The following ODAM variants were observed in gnomAD, a reference collection of about 807,000 sequenced individuals.
ODAM encodes odontogenic ameloblast-associated protein.
ODAM carries 55 observed loss-of-function variants against 48.5 expected under a neutral mutation model. The ratio of observed to expected loss-of-function variants is 1.13; its 90% confidence interval spans 0.91 to 1.42. ODAM has a LOEUF of 1.42. Ranked by LOEUF, ODAM falls within the 40% of genes most tolerant of loss-of-function variation. The pLI is 0.00. For missense variants in ODAM, 353 were observed against 323.6 expected (o/e 1.09, Z -0.70); for synonymous variants, 127 against 107.8 (o/e 1.18, Z -1.10).
In ODAM at chr4:70,197,964, T is replaced by C. The variant is rs1729409846; in HGVS notation, c.182T>C (p.Leu61Ser). The C allele has an allele frequency of 6.2e-7, 1 of 1,613,226 alleles. No homozygotes were observed. The highest frequency in any genetic ancestry group is 8.5e-7 in the Non-Finnish European group (1 of 1,179,548). The change falls in exon 5 of 12, where the codon TTA becomes TCA. Residue 61 changes from leucine to serine, a missense_variant. Coordinates refer to ENST00000683306, the MANE Select transcript of ODAM (RefSeq NM_017855.4). ...NSWIPPFSGI[L>S]QQQQQAQIPG... ...TGGATTCCACCTTTCTCTGGAATTT[T>C]ACAACAGCAGCAGCAGGCTCAAATT...
At position 70,204,436 on chromosome 4, in the gene ODAM, C is replaced by A. The variant is rs1325380342; in HGVS notation, c.*291C>A. On this transcript the variant is annotated 3_prime_UTR_variant, in exon 12 of 12. Transcript: ENST00000683306. Reference sequence around the variant, plus strand: ...TAATAACACAGAATAAAGCTAGTATCATTAAATCAATTGGATAATTGCATT... The same window carrying A: ...TAATAACACAGAATAAAGCTAGTATAATTAAATCAATTGGATAATTGCATT... 6.6e-6 allele frequency: 1 copy of A among 151,954 alleles called. No individual in the cohort carries two copies. The highest frequency in any genetic ancestry group is 2.1e-4 in the South Asian group (1 of 4,830). The allele number at this position is 151,954 out of a possible 1,614,324, so 9.4% of individuals were successfully genotyped here.
In ODAM at chr4:70,196,748, T is replaced by C. The variant is rs763832702; in HGVS notation, c.93+15T>C. On this transcript the variant is annotated intron_variant, in intron 3 of 11. Coordinates refer to ENST00000683306, the MANE Select transcript of ODAM (RefSeq NM_017855.4). The stretch of plus-strand genomic sequence containing the variant: ...ATAGCAATGAGGTTAGTTTAAATAA[T>C]TAAAACAATCTCCTCCTTTTTTTAA... 2 of 1,590,080 alleles carry C rather than the reference T, an allele frequency of 1.3e-6. No homozygotes were observed. Among genetic ancestry groups the C allele is most frequent in the African/African-American group, 1.3e-5 (1 of 74,130 alleles).
At chr4:70,202,984 A>G (rs1729539816) in intron 10 of ODAM, 67 bp downstream of exon 10, 1 of 1,468,234 alleles carries the variant, frequency 6.8e-7, no homozygotes. Context: ...TGATAAAATT[A>G]GTGCTTTAAT....
Position 70,196,699 on chromosome 4 carries a change from C to T in ODAM, c.59C>T (p.Pro20Leu). Residue 20 changes from proline (P) to leucine (L), a missense_variant, in exon 3 of 12, where the codon CCA (proline) becomes CTA (leucine). Pro to Leu is a moderately conservative substitution (Grantham distance 98). Coordinates refer to ENST00000683306, the MANE Select transcript of ODAM (RefSeq NM_017855.4). ...TTTCATTTTTACTTTTAGCTTATCC[C>T]ACAGCGTCTCATGTCTGCCAGCAAT... The part of the protein sequence containing the change: ...LGATLSAPLI[P>L]QRLMSASNSN... 1 of 1,607,718 alleles carries T rather than the reference C, an allele frequency of 6.2e-7. No homozygotes were observed. Among genetic ancestry groups the T allele is most frequent in the Non-Finnish European group, 8.5e-7 (1 of 1,176,854 alleles).
chr4:70,198,320 T>C (rs1729424511), intron 5 of ODAM, among the ~76,000 whole-genome samples, 163 bp downstream of exon 5: 1 of 151,984 alleles, frequency 6.6e-6, no homozygotes, highest in Admixed American at 6.6e-5. Context: ...ATTTTCTGAT[T>C]TCTAAGACAA....
rs1729570730 is a variant in ODAM at position 70,204,334 on chromosome 4, A to G, written c.*189A>G. 6.6e-6 allele frequency: 1 copy of G among 152,052 alleles called. No individual in the cohort carries two copies. Among genetic ancestry groups the G allele is most frequent in the South Asian group, 2.1e-4 (1 of 4,832 alleles). The allele number at this position is 152,052 out of a possible 1,614,324, so 9.4% of individuals were successfully genotyped here. On this transcript the variant is annotated 3_prime_UTR_variant, in exon 12 of 12. Transcript: ENST00000683306. ...CTCTTTAAATATGTCATAGAAAATAATACAATCATGTAATGAGTCTTGTCT... is the reference window on the plus strand; with the variant it reads ...CTCTTTAAATATGTCATAGAAAATAGTACAATCATGTAATGAGTCTTGTCT...
chr4:70,200,250 T>C, intron 6 of ODAM: 1 of 431,220 alleles, frequency 2.3e-6, no homozygotes, highest in Non-Finnish European at 4.2e-6. Context: ...GCTCTTCTGC[T>C]TAGTTCAACC....
At chr4:70,198,359 A>G (rs1211507220) in intron 5 of ODAM, among the ~76,000 whole-genome samples, 1 of 152,048 alleles carries the variant, frequency 6.6e-6, no homozygotes, top group Non-Finnish European at 1.5e-5. Flanking sequence ...ACTCTAGGAT[A>G]CAGCAACAAG....
chr4:70,203,218 G>A lies in ODAM; in HGVS notation c.*29+4G>A, dbSNP rs1729547393. 2 of 1,550,602 alleles carry A rather than the reference G, an allele frequency of 1.3e-6. No homozygotes were observed. Among genetic ancestry groups the A allele is most frequent in the East Asian group, 2.3e-5 (1 of 44,342 alleles). On this transcript the variant is annotated splice_donor_region_variant and intron_variant, in intron 11 of 11. Transcript: ENST00000683306. ...CCCTGATCATTCAGACATTTTGGTA[G>A]GTATTTGCCAAAGTCAAGAATTAGG...
At chr4:70,196,325 G>T (rs980842539) in intron 1 of ODAM, among the ~76,000 whole-genome samples, 1 of 151,820 alleles carries the variant, frequency 6.6e-6, no homozygotes, top group Non-Finnish European at 1.5e-5. Flanking sequence ...AACAATCTTG[G>T]TTTTTATAAA....
Position 70,201,485 on chromosome 4 carries a change from C to T in ODAM, c.560C>T (p.Pro187Leu). Residue 187 changes from proline to leucine, a missense_variant, in exon 8 of 12, where the codon CCA becomes CTA. Coordinates refer to ENST00000683306, the MANE Select transcript of ODAM (RefSeq NM_017855.4). ...IPFYAQFGYIPQLAEPAISGG... is the reference protein window; with the variant it reads ...IPFYAQFGYILQLAEPAISGG... ...TTCTATGCTCAATTTGGATACATTC[C>T]ACAACTAGCAGAACCTGTAAGTAAA... 6.6e-7 allele frequency: 1 copy of T among 1,513,720 alleles called. No individual in the cohort carries two copies. Among genetic ancestry groups the T allele is most frequent in the South Asian group, 1.1e-5 (1 of 87,030 alleles). 93.8% of individuals were successfully genotyped at this position (1,513,720 alleles called of 1,614,324 possible).
intron 7 of ODAM, among the ~76,000 whole-genome samples, chr4:70,200,861 A>C (rs1217578043): frequency 2.0e-5 from 3 of 151,990 alleles, no homozygotes; most frequent in Non-Finnish European, 4.4e-5. Flanking sequence ...CAAAAAGCTG[A>C]ATAACCTCGA....
chr4:70,203,124 A>G, intron 10 of ODAM, 32 bp from the exon 11 acceptor site: 1 of 1,544,014 alleles, frequency 6.5e-7, no homozygotes. Context: ...CAATTTAATA[A>G]CAGTTTCTTA....
rs1228495601 is a variant in ODAM, at chr4:70,200,612, T to C, written c.528+11T>C. On this transcript the variant is annotated intron_variant, in intron 7 of 11. Transcript: ENST00000683306. ...CAGTATGAGGAGCAGGTACTGCAAA[T>C]GTTTTATTTTAATCCTACTAGTTCC... The C allele has an allele frequency of 1.3e-6, 2 of 1,539,202 alleles. No individual in the cohort carries two copies. The highest frequency in any genetic ancestry group is 1.7e-4 in the Middle Eastern group (1 of 5,886).
chr4:70,201,406 C>A lies in ODAM; in HGVS notation c.529-48C>A, dbSNP rs1197840161. 12 of 915,066 alleles carry A rather than the reference C, an allele frequency of 1.3e-5. No homozygotes were observed. The African/African-American group carries it at 1.9e-4, about 14-fold the overall frequency. 56.7% of individuals were successfully genotyped at this position (915,066 alleles called of 1,614,324 possible). A position where few individuals can be genotyped will look rare whatever the true frequency, so the allele number is the denominator to read the frequency against. On this transcript the variant is annotated intron_variant, in intron 7 of 11. Transcript: ENST00000683306. ...GTAATCATTTACTGCAAACTTACGA[C>A]AAGAATAATCACAGAAAATATAATA...
At chr4:70,199,269 G>A (rs1729446656) in intron 6 of ODAM, among the ~76,000 whole-genome samples, 2 of 151,820 alleles carry the variant, frequency 1.3e-5, no homozygotes, top group African/African-American at 2.4e-5. Flanking sequence ...CAAAGAAACA[G>A]TATTATAAAT....
At chr4:70,197,793 T>C in intron 4 of ODAM, 131 bp from the exon 5 acceptor site, 1 of 682,812 alleles carries the variant, frequency 1.5e-6, no homozygotes, top group South Asian at 1.9e-5. Flanking sequence ...ATCAAGATGC[T>C]GTCCTTTTTT....
At chr4:70,201,128 CT>C (rs1283798279) in intron 7 of ODAM, among the ~76,000 whole-genome samples, 5 of 151,374 alleles carry the variant, frequency 3.3e-5, no homozygotes, top group Admixed American at 1.3e-4. Flanking sequence ...ATGAAAATGT[CT>C]TTTTTTTAGT....
At chr4:70,203,974 T>C (rs1429249028) in intron 11 of ODAM, among the ~76,000 whole-genome samples, 1 of 151,978 alleles carries the variant, frequency 6.6e-6, no homozygotes, top group Non-Finnish European at 1.5e-5. Flanking sequence ...ACTAATGTAC[T>C]ATATTGTACA....
Sources: allele counts gnomAD v4.1 joint callset (sites outside exome capture counted in the v4.1 genomes callset), GRCh38; gene constraint gnomAD v4.1.1; transcripts MANE v1.5; gene names NCBI Gene and HGNC (gene_info 2026-07-23, HGNC 2026-07-21).